AKAP7: variants seen among roughly 807,000 people sequenced by gnomAD.
The protein encoded by AKAP7 is A-kinase anchoring protein 7.
In AKAP7, 39 loss-of-function variants were observed where a neutral mutation model predicts 39.5. That is an observed-to-expected ratio of 0.99 (90% CI 0.76 to 1.29). The LOEUF (loss-of-function observed/expected upper bound fraction) is 1.29, where lower values mean the gene tolerates loss of function less well. Among genes scored for constraint, AKAP7 ranks in the 50% most tolerant of loss-of-function variants. The pLI, the probability that AKAP7 is intolerant of heterozygous loss-of-function variation, is 0.00. For synonymous variants in AKAP7, 140 were observed against 139.1 expected (o/e 1.01, Z -0.05); for missense variants, 414 against 407.7 (o/e 1.02, Z -0.13).
At chr6:131,174,964 T>C (rs1445836696) in intron 5 of AKAP7, among the ~76,000 whole-genome samples, 1 of 151,564 alleles carries the variant, frequency 6.6e-6, no homozygotes, top group African/African-American at 2.4e-5. Flanking sequence ...AGAAGTTTAC[T>C]ACTAATAGTC....
intron 1 of AKAP7, among the ~76,000 whole-genome samples, chr6:131,138,862 T>A (rs1340151632): frequency 6.7e-6 from 1 of 148,870 alleles, no homozygotes; most frequent in African/African-American, 2.4e-5. Context: ...CTGTTGTTAG[T>A]AGTAGTAACA....
At chr6:131,200,069 C>T (rs117449205) in intron 6 of AKAP7, 18 of 169,072 alleles carry the variant, frequency 1.1e-4, no homozygotes, top group Non-Finnish European at 1.7e-4. Flanking sequence ...CCAGGTATAC[C>T]GGGGACTGGG....
chr6:131,147,355 G>A (rs535936512), intron 2 of AKAP7, among the ~76,000 whole-genome samples: 15 of 152,294 alleles, frequency 9.8e-5, no homozygotes, highest in African/African-American at 3.4e-4. Context: ...AACTTAAAAC[G>A]ATTAAGTCTT....
intron 7 of AKAP7, among the ~76,000 whole-genome samples, chr6:131,225,208 G>C (rs1422762827): frequency 1.3e-5 from 2 of 152,094 alleles, no homozygotes; most frequent in Non-Finnish European, 2.9e-5. Context: ...ATGAATTCTT[G>C]TAGTTGGTCT....
At chr6:131,226,361 G>T (rs1209559096) in intron 7 of AKAP7, among the ~76,000 whole-genome samples, 1 of 152,186 alleles carries the variant, frequency 6.6e-6, no homozygotes, top group Non-Finnish European at 1.5e-5. Flanking sequence ...ATAAGAAAAG[G>T]TACATTTTGG....
chr6:131,139,977 C>G (rs985271205), intron 1 of AKAP7, among the ~76,000 whole-genome samples: 2 of 150,132 alleles, frequency 1.3e-5, no homozygotes, highest in African/African-American at 2.5e-5. Context: ...GATTACCTAA[C>G]TCAGCCCTGA....
chr6:131,261,346 T>C (rs1392072206), intron 7 of AKAP7, among the ~76,000 whole-genome samples: 2 of 152,196 alleles, frequency 1.3e-5, no homozygotes, highest in African/African-American at 4.8e-5. Flanking sequence ...ATACCAATTA[T>C]TGAACTAATG....
At chr6:131,202,765 T>C (rs1412282394) in intron 6 of AKAP7, among the ~76,000 whole-genome samples, 1 of 151,444 alleles carries the variant, frequency 6.6e-6, no homozygotes, top group African/African-American at 2.4e-5. Context: ...ATAATAATAA[T>C]AAAATAAAAT....
chr6:131,156,776 TC>T (rs1802452752), intron 2 of AKAP7, among the ~76,000 whole-genome samples: 1 of 151,460 alleles, frequency 6.6e-6, no homozygotes, highest in Non-Finnish European at 1.5e-5. Context: ...TTTTGGAGTT[TC>T]CTTTTTTTTT....
chr6:131,134,928 A>C (rs1256480143), upstream of AKAP7, among the ~76,000 whole-genome samples: 1 of 152,114 alleles, frequency 6.6e-6, no homozygotes, highest in Non-Finnish European at 1.5e-5. Context: ...AAACTAAGTA[A>C]ATTTCTTTTT....
At chr6:131,233,969 T>C (rs1810831171) in intron 7 of AKAP7, among the ~76,000 whole-genome samples, 1 of 152,228 alleles carries the variant, frequency 6.6e-6, no homozygotes, top group South Asian at 2.1e-4. Context: ...TTTATTGTTA[T>C]ATAGTTACTC....
intron 5 of AKAP7, among the ~76,000 whole-genome samples, chr6:131,198,660 G>C (rs1257478444): frequency 1.3e-5 from 2 of 152,042 alleles, no homozygotes; most frequent in African/African-American, 4.8e-5. Context: ...GTATTCCTGG[G>C]CTCCATCTGG....
intron 5 of AKAP7, among the ~76,000 whole-genome samples, chr6:131,177,057 T>C (rs1417657356): frequency 6.6e-6 from 1 of 152,168 alleles, no homozygotes; most frequent in African/African-American, 2.4e-5. Flanking sequence ...TCCTTTCTCA[T>C]CTCTCTCTTA....
Position 131,282,714 on chromosome 6 carries a change from C to A in AKAP7, c.*988C>A, listed in dbSNP as rs1406000566. 2.4e-6 allele frequency: 2 copies of A among 848,166 alleles called. No individual in the cohort carries two copies. The highest frequency in any genetic ancestry group is 3.4e-5 in the African/African-American group (2 of 57,986). The allele number at this position is 848,166 out of a possible 1,614,324, so 52.5% of individuals were successfully genotyped here. ...CTGATAGTGTCTGCACAACAGCAAA[C>A]CAACATTTGGTGAGGAATTAGCAAT... On this transcript the variant is annotated 3_prime_UTR_variant, in exon 8 of 8. Transcript: ENST00000431975.
At chr6:131,215,058 A>G (rs776031007) in intron 6 of AKAP7, among the ~76,000 whole-genome samples, 2 of 152,226 alleles carry the variant, frequency 1.3e-5, no homozygotes, top group Non-Finnish European at 2.9e-5. Context: ...GTGCCTGTGC[A>G]TAGTAAATGC....
intron 5 of AKAP7, among the ~76,000 whole-genome samples, chr6:131,183,745 G>A (rs1216456392): frequency 6.6e-5 from 10 of 152,094 alleles, no homozygotes; most frequent in Admixed American, 5.9e-4. Context: ...GAGGGTGACC[G>A]AGAACATCCT....
At chr6:131,165,991 C>T (rs1055253074) in intron 4 of AKAP7, among the ~76,000 whole-genome samples, 7 of 152,044 alleles carry the variant, frequency 4.6e-5, no homozygotes, top group African/African-American at 1.7e-4. Context: ...GCTATATTTC[C>T]TGAGGGAATG....
In AKAP7 at chr6:131,202,397, T is replaced by G. The variant is rs1013245390; in HGVS notation, c.702+2824T>G. 1.6e-4 allele frequency among the ~76,000 whole-genome samples: 23 copies of G among 147,920 alleles called. No individual in the cohort carries two copies. In the South Asian group the frequency reaches 4.7e-3, roughly 30 times the overall value. ...AATGATAGACTGGATTAAGAAAATG[T>G]GGCACATATACACCATGGAATACTA... On this transcript the variant is annotated intron_variant, in intron 6 of 7. Coordinates refer to ENST00000431975, the MANE Select transcript of AKAP7 (RefSeq NM_016377.4).
intron 7 of AKAP7, among the ~76,000 whole-genome samples, chr6:131,273,738 G>T (rs1313958582): frequency 6.6e-6 from 1 of 151,986 alleles, no homozygotes; most frequent in Non-Finnish European, 1.5e-5. Context: ...TACAGTTTTT[G>T]GTTCTCTTTT....
Sources: gnomAD v4.1 joint callset for allele counts (sites outside exome capture counted in the v4.1 genomes callset) on GRCh38, gnomAD v4.1.1 for gene constraint, MANE v1.5 for transcripts, NCBI Gene and HGNC (gene_info 2026-07-23, HGNC 2026-07-21) for gene names.